Variants in ITIH4 observed in about 807,000 individuals in gnomAD.
ITIH4 encodes inter-alpha-trypsin inhibitor heavy chain H4.
Under a neutral mutation model 111.8 loss-of-function variants are expected in ITIH4, and 79 were observed. The observed-to-expected ratio is 0.71, with a 90% CI of 0.59 to 0.85. ITIH4 has a LOEUF of 0.85. Ranked by LOEUF, ITIH4 falls within the 40% of genes least tolerant of loss-of-function variation. The pLI is 0.00. For missense variants in ITIH4, 1,065 were observed against 1,195.8 expected, an observed-to-expected ratio of 0.89 and a Z score of 1.61; for synonymous variants, 472 against 468.3, an observed-to-expected ratio of 1.01 and a Z score of -0.10.
rs369482229 is a variant in ITIH4 at position 52,823,860 on chromosome 3, C to T, written c.1316G>A (p.Arg439His). ...GGCAGAGTCTGAGTCCTCATGGATG[C>T]GCCGGGCCAGGCCGCCATTGTCCAG... ...LALDNGGLAR[R>H]IHEDSDSALQ... The change falls in exon 10 of 24, where the codon CGC (arginine) becomes CAC (histidine). Residue 439 changes from arginine to histidine, a missense_variant. Arg to His is a conservative substitution (Grantham distance 29). Transcript: ENST00000266041. 2.0e-5 allele frequency: 33 copies of T among 1,613,652 alleles called. 1 individual carries two copies. The highest frequency in any genetic ancestry group is 8.8e-5 in the South Asian group (8 of 91,072).
At chr3:52,828,923 A>T (rs1306209739) in intron 2 of ITIH4, among the ~76,000 whole-genome samples, 196 bp downstream of exon 2, 4 of 152,240 alleles carry the variant, frequency 2.6e-5, no homozygotes, top group Middle Eastern at 3.4e-3. Context: ...GGCTGGATGG[A>T]GGGAAGGACG....
Position 52,824,605 on chromosome 3 carries a change from C to T in ITIH4, c.877-40G>A, listed in dbSNP as rs17052501. Reference sequence around the variant, plus strand: ...GAAACATAGGTGCTTCAGAAGGGCTCCCTGAGGGCTCGTGTGCCCTAGGGC... The same window carrying T: ...GAAACATAGGTGCTTCAGAAGGGCTTCCTGAGGGCTCGTGTGCCCTAGGGC... On this transcript the variant is annotated intron_variant, in intron 7 of 23. Coordinates refer to ENST00000266041, the MANE Select transcript of ITIH4 (RefSeq NM_002218.5). This position sits in a 1 kb window ranked among gnomAD's most constrained non-coding sequence, Gnocchi z 4.3. 2.0e-5 allele frequency: 32 copies of T among 1,582,572 alleles called. No homozygotes were observed. The highest frequency in any genetic ancestry group is 2.7e-5 in the Non-Finnish European group (31 of 1,164,874).
chr3:52,827,712 C>T (rs1364597798), intron 2 of ITIH4, among the ~76,000 whole-genome samples: 5 of 152,228 alleles, frequency 3.3e-5, no homozygotes, highest in Non-Finnish European at 5.9e-5. Flanking sequence ...GCAGTCTCCC[C>T]GCTCCCTCCC....
chr3:52,813,338 T>A lies in ITIH4; in HGVS notation c.*83A>T. On this transcript the variant is annotated 3_prime_UTR_variant, in exon 24 of 24. Coordinates refer to ENST00000266041, the MANE Select transcript of ITIH4 (RefSeq NM_002218.5). ...TAATGAGTGGGACTCTTCCTCCCCA[T>A]GGTGGTCCAGGCCCCAGAAGCGGCC... 8.4e-7 allele frequency: 1 copy of A among 1,187,876 alleles called. No homozygotes were observed. Among genetic ancestry groups the A allele is most frequent in the East Asian group, 2.3e-5 (1 of 42,920 alleles). 73.6% of individuals were successfully genotyped at this position (1,187,876 alleles called of 1,614,324 possible). A position where few individuals can be genotyped will look rare whatever the true frequency, so the allele number is the denominator to read the frequency against.
rs1421134080 is a variant in ITIH4, at chr3:52,817,073, C to G, written c.2297-15G>C. On this transcript the variant is annotated splice_polypyrimidine_tract_variant and intron_variant, in intron 20 of 23. Coordinates refer to ENST00000266041, the MANE Select transcript of ITIH4 (RefSeq NM_002218.5). ...CACCTCAACCCCTGGGAGGACCAGA[C>G]CAGAGAGGTCATAGCTGGGCCCCAG... 2 of 1,608,946 alleles carry G rather than the reference C, an allele frequency of 1.2e-6. No homozygotes were observed. Among genetic ancestry groups the G allele is most frequent in the Non-Finnish European group, 1.7e-6 (2 of 1,177,118 alleles).
rs745582249 is a variant in ITIH4, at chr3:52,823,720, T to G, written c.1375A>C (p.Asn459His). The change falls in exon 11 of 24, where the codon AAC becomes CAC. Residue 459 changes from asparagine (N) to histidine (H), a missense_variant. Coordinates refer to ENST00000266041, the MANE Select transcript of ITIH4 (RefSeq NM_002218.5). Reference sequence around the variant, plus strand: ...AAGGTCACTGCTGTCAGCAGTGGGTTGGCCACTTCCTGGTAGAAGTCCTGC... The same window carrying G: ...AAGGTCACTGCTGTCAGCAGTGGGTGGGCCACTTCCTGGTAGAAGTCCTGC... Reference protein sequence around the residue: ...QLQDFYQEVANPLLTAVTFEY... With the variant: ...QLQDFYQEVAHPLLTAVTFEY... 2.5e-6 allele frequency: 4 copies of G among 1,614,156 alleles called. No individual in the cohort carries two copies. The highest frequency in any genetic ancestry group is 3.4e-6 in the Non-Finnish European group (4 of 1,180,016).
At chr3:52,828,067 C>T (rs555110606) in intron 2 of ITIH4, among the ~76,000 whole-genome samples, 1 of 152,188 alleles carries the variant, frequency 6.6e-6, no homozygotes, top group Non-Finnish European at 1.5e-5. Flanking sequence ...TGGCACTCCT[C>T]CCCCTGGGTA....
chr3:52,816,783 CCATT>C (rs1700283687), intron 21 of ITIH4, 97 bp downstream of exon 21: 1 of 1,112,980 alleles, frequency 9.0e-7, no homozygotes, highest in African/African-American at 1.5e-5. Context: ...TGTAGCTGCT[CCATT>C]CTCAGGTCCA....
In ITIH4 at chr3:52,813,454, T is replaced by C; in HGVS notation, c.2760A>G (p.Gly920=). 1.2e-6 allele frequency: 2 copies of C among 1,613,964 alleles called. No homozygotes were observed. The highest frequency in any genetic ancestry group is 1.7e-6 in the Non-Finnish European group (2 of 1,179,982). The stretch of plus-strand genomic sequence containing the variant: ...CCACAGACCAGCAGGAAATCTCCAC[T>C]CCCGGGGGCCCCTCCTGGTAATCCA... ...RRLDYQEGPP[G]VEISCWSVEL is the part of the protein sequence containing the mutation. The change falls in exon 24 of 24, where the codon GGA becomes GGG. Residue 920 remains glycine, a synonymous_variant. Coordinates refer to ENST00000266041, the MANE Select transcript of ITIH4 (RefSeq NM_002218.5).
rs1410455167 is a variant in ITIH4 at position 52,818,622 on chromosome 3, C to T, written c.2078-86G>A. On this transcript the variant is annotated intron_variant, in intron 17 of 23. Coordinates refer to ENST00000266041, the MANE Select transcript of ITIH4 (RefSeq NM_002218.5). ...CAGCAGCGCTGCCACCAAGCTCCAG[C>T]CCCCCATCCTGCCACACATACACTC... 8 of 1,111,402 alleles carry T rather than the reference C, an allele frequency of 7.2e-6. No individual in the cohort carries two copies. In the East Asian group the frequency reaches 1.0e-4, roughly 14 times the overall value. 68.8% of individuals were successfully genotyped at this position (1,111,402 alleles called of 1,614,324 possible).
Position 52,829,298 on chromosome 3 carries a change from A to G in ITIH4, c.91-19T>C. 1 of 1,589,002 alleles carries G rather than the reference A, an allele frequency of 6.3e-7. No individual in the cohort carries two copies. Among genetic ancestry groups the G allele is most frequent in the East Asian group, 2.3e-5 (1 of 44,196 alleles). On this transcript the variant is annotated intron_variant, in intron 1 of 23. Coordinates refer to ENST00000266041, the MANE Select transcript of ITIH4 (RefSeq NM_002218.5). ...TGCCATTCTGGACCAGCAAAGAAGA[A>G]GGGGGTTGCAGGGTTTCAATGCCAC... is the stretch of plus-strand genomic sequence containing the variant.
chr3:52,820,400 G>A, intron 13 of ITIH4, 83 bp from the exon 14 acceptor site: 1 of 1,463,156 alleles, frequency 6.8e-7, no homozygotes, highest in Non-Finnish European at 9.5e-7. Flanking sequence ...TCAATTTGAA[G>A]CGCTTGTGTT....
chr3:52,823,220 C>T (rs528901157), intron 11 of ITIH4: 3 of 231,232 alleles, frequency 1.3e-5, no homozygotes, highest in Admixed American at 1.0e-4. Context: ...CTGCCTGGAG[C>T]TCAGTCTGCT....
Position 52,829,238 on chromosome 3 carries a change from G to A in ITIH4, c.132C>T (p.Val44=), listed in dbSNP as rs751188050. The A allele has an allele frequency of 1.9e-6, 3 of 1,613,228 alleles. No individual in the cohort carries two copies. The highest frequency in any genetic ancestry group is 1.7e-6 in the Non-Finnish European group (2 of 1,179,260). ...CGACCGTGTGGGCAAATCGGGATGA[G>A]ACCCTGGAGTCCACGGTGAGGCTGT... ...DIYSLTVDSR[V]SSRFAHTVVT... The change falls in exon 2 of 24, where the codon GTC becomes GTT. Residue 44 remains valine (V), a synonymous_variant. Transcript: ENST00000266041.
At chr3:52,823,494 C>G in intron 11 of ITIH4, 62 bp downstream of exon 11, 3 of 1,417,080 alleles carry the variant, frequency 2.1e-6, no homozygotes, top group Non-Finnish European at 2.9e-6. Flanking sequence ...TTGAGTCCAG[C>G]CCCTCTGGCT....
chr3:52,830,074 T>G (rs549874654), intron 1 of ITIH4: 4 of 310,144 alleles, frequency 1.3e-5, no homozygotes, highest in African/African-American at 8.7e-5. Context: ...CTTGTTTATG[T>G]GCTTGGGTAT....
intron 2 of ITIH4, among the ~76,000 whole-genome samples, chr3:52,828,042 C>T (rs1312224902): frequency 6.6e-6 from 1 of 152,194 alleles, no homozygotes; most frequent in Non-Finnish European, 1.5e-5. Context: ...CGGGATGGGG[C>T]TGGTGAGTGG....
chr3:52,828,045 G>C (rs554039860), intron 2 of ITIH4, among the ~76,000 whole-genome samples: 2 of 152,220 alleles, frequency 1.3e-5, no homozygotes, highest in Non-Finnish European at 2.9e-5. Flanking sequence ...GATGGGGCTG[G>C]TGAGTGGGCA....
chr3:52,830,259 T>A (rs2535632), intron 1 of ITIH4: 31,120 of 452,450 alleles, frequency 0.069, 4,588 homozygotes, highest in African/African-American at 0.35. Flanking sequence ...TGAGACATAG[T>A]CAGCATAAAT....
Sources: gnomAD v4.1 joint callset for allele counts (sites outside exome capture counted in the v4.1 genomes callset) on GRCh38, gnomAD v4.1.1 for gene constraint, Gnocchi (gnomAD v3.1) non-coding constraint, MANE v1.5 for transcripts, NCBI Gene and HGNC (gene_info 2026-07-23, HGNC 2026-07-21) for gene names.